NRXN1: variants seen among roughly 807,000 people sequenced by gnomAD.
NRXN1 encodes neurexin-1.
NRXN1 carries 39 observed loss-of-function variants against 150.9 expected under a neutral mutation model. The ratio of observed to expected loss-of-function variants is 0.26; its 90% CI spans 0.20 to 0.34. The LOEUF (loss-of-function observed/expected upper bound fraction) is 0.34, where lower values mean the gene tolerates loss of function less well. Among genes scored for constraint, NRXN1 ranks in the 10% least tolerant of loss-of-function variants. NRXN1 has a pLI of 1.00. For missense variants in NRXN1, 1,815 were observed against 1,949.9 expected, an observed-to-expected ratio of 0.93 and a Z score of 1.30; for synonymous variants, 924 against 757.0, an observed-to-expected ratio of 1.22 and a Z score of -3.62.
intron 18 of NRXN1, among the ~76,000 whole-genome samples, chr2:50,223,779 C>T (rs2064108411): frequency 6.6e-6 from 1 of 151,878 alleles, no homozygotes; most frequent in Non-Finnish European, 1.5e-5. Context: ...CTCCCCCTGC[C>T]TTTAGTTTGG....
chr2:50,814,688 C>T (rs1241854937), intron 5 of NRXN1, among the ~76,000 whole-genome samples: 1 of 152,008 alleles, frequency 6.6e-6, no homozygotes, highest in Non-Finnish European at 1.5e-5. Flanking sequence ...AAGGATCTCA[C>T]TTAAAAATGT....
intron 2 of NRXN1, among the ~76,000 whole-genome samples, chr2:51,004,138 A>C (rs1372616843): frequency 6.6e-6 from 1 of 151,894 alleles, no homozygotes; most frequent in East Asian, 2.0e-4. Context: ...AACAACCCCA[A>C]GTTTGGGGTC....
intron 5 of NRXN1, among the ~76,000 whole-genome samples, chr2:50,893,154 C>T (rs1284148724): frequency 6.6e-6 from 1 of 152,138 alleles, no homozygotes; most frequent in Non-Finnish European, 1.5e-5. Context: ...TTGCTACCTC[C>T]CAACAACTTT....
intron 17 of NRXN1, among the ~76,000 whole-genome samples, chr2:50,428,420 C>T (rs1334846349): frequency 6.6e-6 from 1 of 151,986 alleles, no homozygotes; most frequent in Non-Finnish European, 1.5e-5. Context: ...GTCTCACACA[C>T]AAAAAAGGTA....
At chr2:50,953,924 T>G (rs1252816995) in intron 2 of NRXN1, among the ~76,000 whole-genome samples, 1 of 152,130 alleles carries the variant, frequency 6.6e-6, no homozygotes, top group African/African-American at 2.4e-5. Flanking sequence ...AGGTTAAAAG[T>G]AAAATCAAAG....
rs1211348879 is a variant in NRXN1, at chr2:50,552,921, A to G, written c.1425T>C (p.Asn475=). Residue 475 remains asparagine, a synonymous_variant, in exon 9 of 23, where the codon AAT becomes AAC. Coordinates refer to ENST00000401669, the MANE Select transcript of NRXN1 (RefSeq NM_001330078.2). ...AGGTGATTGGGTCTAAAGTTGCAAC[A>G]TTCTCACATTTAAATGCCACCACTC... ...IHGVVAFKCE[N]VATLDPITFE... is the part of the protein sequence containing the mutation. 1 of 1,613,940 alleles carries G rather than the reference A, an allele frequency of 6.2e-7. No homozygotes were observed. The highest frequency in any genetic ancestry group is 8.5e-7 in the Non-Finnish European group (1 of 1,179,798).
At chr2:50,172,393 G>C (rs2060085921) in intron 18 of NRXN1, among the ~76,000 whole-genome samples, 1 of 152,082 alleles carries the variant, frequency 6.6e-6, no homozygotes, top group South Asian at 2.1e-4. Context: ...GGACTCTCTA[G>C]CTTGATGTTC....
intron 12 of NRXN1, among the ~76,000 whole-genome samples, chr2:50,521,601 G>A (rs1263627711): frequency 2.0e-5 from 3 of 152,062 alleles, no homozygotes; most frequent in South Asian, 2.1e-4. Flanking sequence ...TTCTTTGACC[G>A]TCCCCATGAT....
intron 5 of NRXN1, among the ~76,000 whole-genome samples, chr2:50,842,148 C>CA (rs753274571): frequency 2.6e-5 from 4 of 152,148 alleles, no homozygotes; most frequent in Non-Finnish European, 5.9e-5. Flanking sequence ...CTGTCACCAG[C>CA]AAAAATGCTT....
chr2:50,554,966 GA>G (rs921669375), intron 8 of NRXN1, among the ~76,000 whole-genome samples: 7 of 152,086 alleles, frequency 4.6e-5, no homozygotes, highest in Non-Finnish European at 1.0e-4. Context: ...ATACTTTTTT[GA>G]AAAGAGAAAG....
At chr2:50,525,355 A>G (rs1247542916) in intron 12 of NRXN1, among the ~76,000 whole-genome samples, 1 of 152,222 alleles carries the variant, frequency 6.6e-6, no homozygotes, top group African/African-American at 2.4e-5. Flanking sequence ...ATGTTAAAAG[A>G]ATGTGACTGT....
rs912241968 is a variant in NRXN1 at position 50,347,845 on chromosome 2, T to C, written c.3365-110875A>G. The C allele has an allele frequency of 1.0e-6, 1 of 985,524 alleles. No homozygotes were observed. Among genetic ancestry groups the C allele is most frequent in the Non-Finnish European group, 1.2e-6 (1 of 830,006 alleles). 61.0% of individuals were successfully genotyped at this position (985,524 alleles called of 1,614,324 possible). On this transcript the variant is annotated intron_variant, in intron 17 of 22. Transcript: ENST00000401669. This position sits in a 1 kb window ranked among gnomAD's most constrained non-coding sequence, Gnocchi z 4.9. The stretch of plus-strand genomic sequence containing the variant: ...GCAAATCACTGAAGCTCGGATGCAA[T>C]GCAGAGGACGAGCCTATGTAACGAG...
At chr2:50,396,172 A>T (rs977459749) in intron 17 of NRXN1, among the ~76,000 whole-genome samples, 1 of 152,204 alleles carries the variant, frequency 6.6e-6, no homozygotes, top group Non-Finnish European at 1.5e-5. Flanking sequence ...GCAAGAGCAC[A>T]TGCAAACAGG....
At chr2:50,829,572 T>A in intron 5 of NRXN1, 1 of 1,611,942 alleles carries the variant, frequency 6.2e-7, no homozygotes, top group South Asian at 1.1e-5. Context: ...AAACTGAAGG[T>A]CCATGTAGCC....
intron 2 of NRXN1, among the ~76,000 whole-genome samples, chr2:50,937,679 G>T (rs932318539): frequency 2.0e-5 from 3 of 152,092 alleles, no homozygotes; most frequent in Non-Finnish European, 4.4e-5. Flanking sequence ...CAATGATGAT[G>T]ATGCAGAATA....
chr2:50,753,955 AT>A (rs11450042), intron 5 of NRXN1, among the ~76,000 whole-genome samples: 38 of 107,618 alleles, frequency 3.5e-4, no homozygotes, highest in South Asian at 1.5e-3. Context: ...CATCATGACG[AT>A]TTTTTTTTGG....
intron 21 of NRXN1, among the ~76,000 whole-genome samples, chr2:49,978,345 A>C (rs1402272137): frequency 6.6e-6 from 1 of 152,198 alleles, no homozygotes; most frequent in East Asian, 1.9e-4. Flanking sequence ...CACAGCTTGC[A>C]TGGGAGACAG....
intron 5 of NRXN1, among the ~76,000 whole-genome samples, chr2:50,865,322 A>C (rs772843771): frequency 1.5e-4 from 23 of 151,940 alleles, no homozygotes; most frequent in South Asian, 4.1e-4. Context: ...TAAAGAATAA[A>C]AGTAGTCTTA....
intron 5 of NRXN1, among the ~76,000 whole-genome samples, chr2:50,846,297 T>G (rs984872793): frequency 2.6e-5 from 4 of 152,178 alleles, no homozygotes; most frequent in African/African-American, 9.7e-5. Flanking sequence ...CTTGAATCGG[T>G]ATTCTCAAAG....
Sources: allele counts gnomAD v4.1 joint callset (sites outside exome capture counted in the v4.1 genomes callset), GRCh38; gene constraint gnomAD v4.1.1; non-coding constraint Gnocchi (gnomAD v3.1); transcripts MANE v1.5; gene names NCBI Gene and HGNC (gene_info 2026-07-23, HGNC 2026-07-21).